ZNF516: variants seen among roughly 807,000 people sequenced by gnomAD.
ZNF516 encodes zinc finger protein 516.
In ZNF516, 19 loss-of-function variants were observed where a neutral mutation model predicts 79.7. The observed-to-expected ratio is 0.24, with a 90% confidence interval of 0.17 to 0.35. ZNF516 has a LOEUF of 0.35. Among genes scored for constraint, ZNF516 ranks in the 10% least tolerant of loss-of-function variants. The pLI is 1.00. For missense variants in ZNF516, 1,678 were observed against 1,679.5 expected (o/e 1.00, Z 0.02); for synonymous variants, 877 against 739.5 (o/e 1.19, Z -3.02).
intron 1 of ZNF516, among the ~76,000 whole-genome samples, chr18:76,471,826 G>C (rs931578068): frequency 9.9e-5 from 15 of 152,140 alleles, no homozygotes; most frequent in African/African-American, 3.6e-4. Flanking sequence ...ACAGCAGATG[G>C]AAGCTGTTCT....
chr18:76,361,722 C>T lies in ZNF516; in HGVS notation c.*776G>A, dbSNP rs1456404310. ...AAAGGTCCTGAGAATAAACAAGAAG[C>T]CTGCTTTTCTTAGTGTTGCGCTAGC... On this transcript the variant is annotated 3_prime_UTR_variant, in exon 7 of 7. Transcript: ENST00000443185. 6.6e-6 allele frequency: 1 copy of T among 152,204 alleles called. No individual in the cohort carries two copies. The highest frequency in any genetic ancestry group is 1.5e-5 in the Non-Finnish European group (1 of 68,056). 9.4% of individuals were successfully genotyped at this position (152,204 alleles called of 1,614,324 possible).
intron 3 of ZNF516, among the ~76,000 whole-genome samples, chr18:76,415,304 T>C (rs2075419409): frequency 6.6e-6 from 1 of 152,046 alleles, no homozygotes; most frequent in South Asian, 2.1e-4. Context: ...AAGGCGTGAG[T>C]GTTCCCAGAG....
At chr18:76,385,053 C>T (rs1356586289) in intron 3 of ZNF516, among the ~76,000 whole-genome samples, 1 of 152,226 alleles carries the variant, frequency 6.6e-6, no homozygotes, top group African/African-American at 2.4e-5. Context: ...GAAGCACGTG[C>T]CAGGAGGAGG....
At chr18:76,364,097 T>C (rs1219256714) in intron 6 of ZNF516, among the ~76,000 whole-genome samples, 2 of 152,236 alleles carry the variant, frequency 1.3e-5, no homozygotes, top group Non-Finnish European at 2.9e-5. Context: ...TAACGTTTTA[T>C]ATTACAGGGC....
chr18:76,375,760 C>G (rs973125811), intron 4 of ZNF516, among the ~76,000 whole-genome samples: 56 of 146,742 alleles, frequency 3.8e-4, no homozygotes, highest in African/African-American at 1.4e-3. Context: ...GCCCAAGAGA[C>G]CAGGTAGAGG....
chr18:76,479,055 C>CA (rs35963834), intron 1 of ZNF516, among the ~76,000 whole-genome samples: 6,183 of 140,282 alleles, frequency 0.044, 157 homozygotes, highest in Middle Eastern at 0.1. Flanking sequence ...AGATTCTGTC[C>CA]AAAAAAAAAA....
chr18:76,413,391 TGCCTAGCA>T (rs2145318152), intron 3 of ZNF516, among the ~76,000 whole-genome samples: 1 of 152,314 alleles, frequency 6.6e-6, no homozygotes, highest in African/African-American at 2.4e-5. Flanking sequence ...TCGTTCATCT[TGCCTAGCA>T]GCACCACACC....
chr18:76,480,524 C>CACACACACACACACACATAT (rs1267997459), intron 1 of ZNF516, among the ~76,000 whole-genome samples: 2 of 116,398 alleles, frequency 1.7e-5, no homozygotes, highest in African/African-American at 7.0e-5. Flanking sequence ...CACACACACA[C>CACACACACACACACACATAT]ATATATTTTT....
Position 76,441,707 on chromosome 18 carries a change from C to T in ZNF516, c.1348G>A (p.Asp450Asn). 2 of 1,571,066 alleles carry T rather than the reference C, an allele frequency of 1.3e-6. No individual in the cohort carries two copies. Among genetic ancestry groups the T allele is most frequent in the Non-Finnish European group, 1.7e-6 (2 of 1,162,058 alleles). ...AGGACGTACTCGCGCCTGTCCTTGT[C>T]GAAGGCCACGTCCCCGGCCAGCGCC... Reference protein sequence around the residue: ...DEALAGDVAFDKDRREYVLVS... With the variant: ...DEALAGDVAFNKDRREYVLVS... The change falls in exon 3 of 7, where the codon GAC becomes AAC. Residue 450 changes from aspartate to asparagine, a missense_variant. This residue lies in a region of ZNF516 where 1,294 missense variants were observed against 1,248.3 expected (regional missense o/e 1.04). Transcript: ENST00000443185.
chr18:76,406,948 G>T (rs1469951335), intron 3 of ZNF516, among the ~76,000 whole-genome samples: 1 of 150,578 alleles, frequency 6.6e-6, no homozygotes, highest in Non-Finnish European at 1.5e-5. Flanking sequence ...CCTGCCTGGG[G>T]CTATCTTAGA....
intron 3 of ZNF516, among the ~76,000 whole-genome samples, chr18:76,420,521 A>C (rs914257332): frequency 6.6e-6 from 1 of 152,200 alleles, no homozygotes; most frequent in Non-Finnish European, 1.5e-5. Flanking sequence ...CACTATTCTC[A>C]GGACTATTTG....
At chr18:76,427,980 A>AAC (rs1009200862) in intron 3 of ZNF516, among the ~76,000 whole-genome samples, 1 of 152,262 alleles carries the variant, frequency 6.6e-6, no homozygotes, top group Non-Finnish European at 1.5e-5. Flanking sequence ...GGCATGGAGA[A>AAC]ACACACACAC....
intron 3 of ZNF516, among the ~76,000 whole-genome samples, chr18:76,414,706 C>A (rs2075411692): frequency 6.6e-6 from 1 of 152,200 alleles, no homozygotes; most frequent in Admixed American, 6.5e-5. Flanking sequence ...AAAATTTGGT[C>A]TTAAATTTCT....
chr18:76,381,904 G>A (rs1173153298), intron 3 of ZNF516, among the ~76,000 whole-genome samples: 1 of 152,246 alleles, frequency 6.6e-6, no homozygotes, highest in Non-Finnish European at 1.5e-5. Flanking sequence ...GGCCGAGGCG[G>A]GTGGGTCACC....
chr18:76,378,728 G>A, intron 4 of ZNF516, 127 bp downstream of exon 4: 4 of 1,370,976 alleles, frequency 2.9e-6, no homozygotes, highest in African/African-American at 1.5e-5. Context: ...CAGCTCAGCA[G>A]TGGGATGGGG....
At chr18:76,490,160 G>C in intron 1 of ZNF516, 1 of 985,282 alleles carries the variant, frequency 1.0e-6, no homozygotes, top group Non-Finnish European at 1.2e-6. Flanking sequence ...GTTCATCCCA[G>C]AGCCCATTCA....
At position 76,459,242 on chromosome 18, in the gene ZNF516, C is replaced by T. The variant is rs1056212150; in HGVS notation, c.-158+3786G>A. ...GGCGCTCTCTCCCTGCCCCGAGCTT[C>T]GGCTTCTCCTCCATGCACGGTCACT... On this transcript the variant is annotated intron_variant, in intron 2 of 6. Coordinates refer to ENST00000443185, the MANE Select transcript of ZNF516 (RefSeq NM_014643.4). This position sits in a 1 kb window ranked among gnomAD's most constrained non-coding sequence, Gnocchi z 5.0. Among the ~76,000 whole-genome samples the T allele has an allele frequency of 3.2e-4, 49 of 152,178 alleles. No homozygotes were observed. The highest frequency in any genetic ancestry group is 9.2e-4 in the Admixed American group (14 of 15,278).
intron 1 of ZNF516, chr18:76,490,588 C>A: frequency 9.7e-6 from 2 of 206,466 alleles, no homozygotes; most frequent in Non-Finnish European, 1.7e-5. Flanking sequence ...TTTTGGGAGG[C>A]TAGCCACCGT....
At chr18:76,392,067 C>A (rs370260335) in intron 3 of ZNF516, among the ~76,000 whole-genome samples, 1 of 152,206 alleles carries the variant, frequency 6.6e-6, no homozygotes, top group Admixed American at 6.5e-5. Context: ...GCCTCATTTC[C>A]GCCACCAGCG....
Sources: gnomAD v4.1 joint callset for allele counts (sites outside exome capture counted in the v4.1 genomes callset) on GRCh38, gnomAD v4.1.1 for gene constraint, gnomAD v4.1.1 regional missense constraint, Gnocchi (gnomAD v3.1) non-coding constraint, MANE v1.5 for transcripts, NCBI Gene and HGNC (gene_info 2026-07-23, HGNC 2026-07-21) for gene names.